Variants in SLC6A16 observed in about 807,000 individuals in gnomAD.
SLC6A16 encodes the protein orphan sodium- and chloride-dependent neurotransmitter transporter NTT5.
In SLC6A16, 54 loss-of-function variants were observed where a neutral mutation model predicts 65.4. The ratio of observed to expected loss-of-function variants is 0.83; its 90% CI spans 0.66 to 1.04. The LOEUF is 1.04. Ranked by LOEUF, SLC6A16 falls within the 50% of genes least tolerant of loss-of-function variation. The probability of loss-of-function intolerance (pLI) is 0.00; values close to 1 mark genes in which losing one functional copy is unlikely to be tolerated. For synonymous variants in SLC6A16, 330 were observed against 346.5 expected (o/e 0.95, Z 0.53); for missense variants, 816 against 914.0 (o/e 0.89, Z 1.38).
intron 1 of SLC6A16, among the ~76,000 whole-genome samples, chr19:49,321,690 C>T (rs942765333): frequency 6.6e-6 from 1 of 150,554 alleles, no homozygotes; most frequent in Non-Finnish European, 1.5e-5. Flanking sequence ...GAGCCAAGAT[C>T]ATACCACTGC....
rs767203813 is a variant in SLC6A16 at position 49,325,037 on chromosome 19, G to A, written c.-65+11C>T. 112 of 985,294 alleles carry A rather than the reference G, an allele frequency of 1.1e-4. No homozygotes were observed. The highest frequency in any genetic ancestry group is 1.2e-4 in the Non-Finnish European group (103 of 829,924). 61.0% of individuals were successfully genotyped at this position (985,294 alleles called of 1,614,324 possible). A position where few individuals can be genotyped will look rare whatever the true frequency, so the allele number is the denominator to read the frequency against. On this transcript the variant is annotated intron_variant, in intron 1 of 11. Transcript: ENST00000335875. ...GGAACATTTTAGGGCTCCCTGGGCC[G>A]TGACCCTCACCCTAGCCCCAAGGCT...
chr19:49,322,414 G>C (rs1970726792), intron 1 of SLC6A16, among the ~76,000 whole-genome samples: 1 of 152,076 alleles, frequency 6.6e-6, no homozygotes, highest in Admixed American at 6.6e-5. Context: ...GCCAAAGTGG[G>C]CAGATCACCT....
chr19:49,298,184 G>C (rs1353404182), intron 7 of SLC6A16, among the ~76,000 whole-genome samples: 1 of 152,094 alleles, frequency 6.6e-6, no homozygotes, highest in Non-Finnish European at 1.5e-5. Context: ...ATGTTAAAAG[G>C]TACCTGTGCA....
chr19:49,335,976 A>T, the SLC6A16 span: 2 of 617,050 alleles, frequency 3.2e-6, no homozygotes, highest in South Asian at 3.8e-5. The surrounding 1 kb of genome is among the most constrained non-coding windows in gnomAD (Gnocchi z 4.6). Flanking sequence ...ACAAACAACA[A>T]TGATCATGAG....
chr19:49,294,138 A>G, intron 8 of SLC6A16, 110 bp from the exon 9 acceptor site: 1 of 1,020,858 alleles, frequency 9.8e-7, no homozygotes, highest in Non-Finnish European at 1.4e-6. Context: ...AAATCCCTGG[A>G]TCACTGAGAA....
the SLC6A16 span, chr19:49,338,883 A>T: frequency 6.2e-7 from 1 of 1,614,164 alleles, no homozygotes; most frequent in Non-Finnish European, 8.5e-7. This position sits in a 1 kb window ranked among gnomAD's most constrained non-coding sequence, Gnocchi z 5.0. Flanking sequence ...GGCGCGGTCC[A>T]GACACAGTGC....
At chr19:49,339,263 A>C in the SLC6A16 span, 1 of 1,453,488 alleles carries the variant, frequency 6.9e-7, no homozygotes, top group Non-Finnish European at 9.6e-7. The surrounding 1 kb of genome is among the most constrained non-coding windows in gnomAD (Gnocchi z 4.5). Flanking sequence ...TTGGCCTGAA[A>C]AGAACGCTGG....
At chr19:49,296,640 G>A (rs1000439371) in intron 7 of SLC6A16, among the ~76,000 whole-genome samples, 2 of 152,154 alleles carry the variant, frequency 1.3e-5, no homozygotes, top group African/African-American at 2.4e-5. Context: ...AGAAATTTAT[G>A]TGAAATAGAT....
At chr19:49,338,590 C>G in the SLC6A16 span, 1 of 778,584 alleles carries the variant, frequency 1.3e-6, no homozygotes, top group Non-Finnish European at 2.2e-6. The surrounding 1 kb of genome is among the most constrained non-coding windows in gnomAD (Gnocchi z 5.0). Flanking sequence ...CCACACCCAC[C>G]ACTTAGTCCC....
intron 7 of SLC6A16, among the ~76,000 whole-genome samples, chr19:49,298,327 T>C (rs982867971): frequency 1.3e-5 from 2 of 152,214 alleles, no homozygotes; most frequent in African/African-American, 4.8e-5. Context: ...AGAGAAAATA[T>C]TTGCAAACTA....
At chr19:49,338,639 C>T in the SLC6A16 span, 1 of 1,276,744 alleles carries the variant, frequency 7.8e-7, no homozygotes, top group African/African-American at 1.5e-5. The surrounding 1 kb of genome is among the most constrained non-coding windows in gnomAD (Gnocchi z 5.0). Context: ...CACCTTGTCC[C>T]CTGATCCCCA....
chr19:49,324,560 C>T (rs776399326), intron 1 of SLC6A16, among the ~76,000 whole-genome samples: 33 of 152,172 alleles, frequency 2.2e-4, no homozygotes, highest in Non-Finnish European at 4.4e-5. Flanking sequence ...AGGCTCATGC[C>T]CTGTGGGGAG....
chr19:49,310,290 G>A, intron 3 of SLC6A16, 63 bp downstream of exon 3: 1 of 1,605,870 alleles, frequency 6.2e-7, no homozygotes, highest in Non-Finnish European at 8.5e-7. Context: ...GCGCATTTCA[G>A]GAGGAGGGTT....
chr19:49,309,668 G>A lies in SLC6A16; in HGVS notation c.859C>T (p.Leu287Phe), dbSNP rs1970470362. 6.2e-7 allele frequency: 1 copy of A among 1,613,656 alleles called. No individual in the cohort carries two copies. The highest frequency in any genetic ancestry group is 1.3e-5 in the African/African-American group (1 of 74,880). ...TGGCTCACCTTCCCAGTGGACTTGA[G>A]CCCATTGATCATGAAAGCACCAACA... is the stretch of plus-strand genomic sequence containing the variant. ...CLVGAFMING[L>F]KSTGKVIYVL... The change falls in exon 5 of 12, where the codon CTC becomes TTC. Residue 287 changes from leucine to phenylalanine, a missense_variant. Coordinates refer to ENST00000335875, the MANE Select transcript of SLC6A16 (RefSeq NM_014037.3).
At chr19:49,319,317 G>C (rs1970667517) in intron 1 of SLC6A16, among the ~76,000 whole-genome samples, 1 of 151,878 alleles carries the variant, frequency 6.6e-6, no homozygotes. Flanking sequence ...ACTGAAGCTT[G>C]AGAAACTTAC....
rs528974724 is a variant in SLC6A16 at position 49,297,823 on chromosome 19, G to A, written c.1230-3270C>T. Among the ~76,000 whole-genome samples, 3 of 152,156 alleles carry A rather than the reference G, an allele frequency of 2.0e-5. No individual in the cohort carries two copies. The South Asian group carries it at 6.2e-4, about 32-fold the overall frequency. On this transcript the variant is annotated intron_variant, in intron 7 of 11. Transcript: ENST00000335875. ...AATACTAAAAACATGCTAAGTGAAA[G>A]AAGTCAGATATAAGAATGCATATAG...
rs1015546504 is a variant in SLC6A16, at chr19:49,293,759, CAA to C, written c.1618+66_1618+67del. 1.0e-5 allele frequency: 15 copies of C among 1,431,068 alleles called. No individual in the cohort carries two copies. The Admixed American group carries it at 1.9e-4, about 18-fold the overall frequency. The allele number at this position is 1,431,068 out of a possible 1,614,324, so 88.6% of individuals were successfully genotyped here. A position where few individuals can be genotyped will look rare whatever the true frequency, so the allele number is the denominator to read the frequency against. On this transcript the variant is annotated intron_variant, in intron 9 of 11. Coordinates refer to ENST00000335875, the MANE Select transcript of SLC6A16 (RefSeq NM_014037.3). ...AGCCTGGGCTACAGGGACCCTGTCCCAAAAAAAGAGTCCCAGTGGTGTCAGGG... is the reference window on the plus strand; with the variant it reads ...AGCCTGGGCTACAGGGACCCTGTCCCAAAAAGAGTCCCAGTGGTGTCAGGG...
At position 49,309,357 on chromosome 19, in the gene SLC6A16, G is replaced by T. The variant is rs536601412; in HGVS notation, c.931C>A (p.Arg311=). ...PCFIIVGFFI[R]TLLLEGAKFG... ...TTTGCCCCTTCCAGGAGTAGAGTCCGGATGAAGAAACCGACAATGATGAAA... is the reference window on the plus strand; with the variant it reads ...TTTGCCCCTTCCAGGAGTAGAGTCCTGATGAAGAAACCGACAATGATGAAA... The change falls in exon 6 of 12, where the codon CGG becomes AGG. Residue 311 remains arginine (R), a synonymous_variant. Transcript: ENST00000335875. 2 of 1,614,092 alleles carry T rather than the reference G, an allele frequency of 1.2e-6. No homozygotes were observed. The highest frequency in any genetic ancestry group is 4.5e-5 in the East Asian group (2 of 44,882).
At chr19:49,313,262 A>G (rs184790) in intron 1 of SLC6A16, among the ~76,000 whole-genome samples, 107,148 of 151,768 alleles carry the variant, frequency 0.71, 38,092 homozygotes, top group East Asian at 0.83. Context: ...TCCTGGGTTC[A>G]AAGGATCCTC....
Sources: gnomAD v4.1 joint callset for allele counts (sites outside exome capture counted in the v4.1 genomes callset) on GRCh38, gnomAD v4.1.1 for gene constraint, Gnocchi (gnomAD v3.1) non-coding constraint, MANE v1.5 for transcripts, NCBI Gene and HGNC (gene_info 2026-07-23, HGNC 2026-07-21) for gene names.